Variants in FANCC observed in about 807,000 individuals in gnomAD.
FANCC encodes Fanconi anemia group C protein.
FANCC carries 55 observed loss-of-function variants against 71.3 expected under a neutral mutation model. The observed-to-expected ratio is 0.77, with a 90% CI of 0.62 to 0.97. The LOEUF (loss-of-function observed/expected upper bound fraction) is 0.97, where lower values mean the gene tolerates loss of function less well. Ranked by LOEUF, FANCC falls within the 50% of genes least tolerant of loss-of-function variation. The pLI is 0.00. For missense variants in FANCC, 678 were observed against 670.9 expected (o/e 1.01, Z -0.12); for synonymous variants, 275 against 244.9 (o/e 1.12, Z -1.15).
chr9:95,305,660 G>C (rs1835033742), intron 1 of FANCC, among the ~76,000 whole-genome samples: 1 of 152,076 alleles, frequency 6.6e-6, no homozygotes, highest in Admixed American at 6.6e-5. Flanking sequence ...TAAGTTAAAT[G>C]ACCATCAAGA....
At chr9:95,272,844 G>A (rs572432409) in intron 1 of FANCC, among the ~76,000 whole-genome samples, 1 of 152,312 alleles carries the variant, frequency 6.6e-6, no homozygotes, top group South Asian at 2.1e-4. Flanking sequence ...TGCCTGTGAA[G>A]TAGCTTGATT....
intron 1 of FANCC, among the ~76,000 whole-genome samples, chr9:95,262,495 G>C (rs975041569): frequency 2.0e-5 from 3 of 152,182 alleles, no homozygotes; most frequent in Non-Finnish European, 4.4e-5. Context: ...AGGACACAGA[G>C]AAACCAGAAC....
intron 6 of FANCC, among the ~76,000 whole-genome samples, chr9:95,164,243 T>A (rs979943246): frequency 6.6e-6 from 1 of 152,184 alleles, no homozygotes; most frequent in African/African-American, 2.4e-5. Context: ...CCTTTCCAAT[T>A]TGGATGGAAA....
chr9:95,224,701 A>G lies in FANCC; in HGVS notation c.345+15948T>C, dbSNP rs182785274. ...AGGTGCCTTATTTAAGTGGAATCATATAGTATTTGTTATTTTTTTTTAATA... is the reference window on the plus strand; with the variant it reads ...AGGTGCCTTATTTAAGTGGAATCATGTAGTATTTGTTATTTTTTTTTAATA... On this transcript the variant is annotated intron_variant, in intron 4 of 14. Transcript: ENST00000289081. Among the ~76,000 whole-genome samples the G allele has an allele frequency of 1.5e-3, 233 of 152,222 alleles. 1 individual carries two copies. Among genetic ancestry groups the G allele is most frequent in the South Asian group, 3.9e-3 (19 of 4,828 alleles).
chr9:95,220,331 C>T (rs1388047611), intron 4 of FANCC, among the ~76,000 whole-genome samples: 1 of 152,202 alleles, frequency 6.6e-6, no homozygotes, highest in Non-Finnish European at 1.5e-5. Context: ...GGATCTAGAA[C>T]TAGAAATACC....
intron 7 of FANCC, among the ~76,000 whole-genome samples, chr9:95,139,787 T>C (rs1234371806): frequency 6.7e-6 from 1 of 149,856 alleles, no homozygotes; most frequent in Non-Finnish European, 1.5e-5. Flanking sequence ...TTTCTGTATA[T>C]GCCTTGTGCT....
Position 95,240,190 on chromosome 9 carries a change from C to T in FANCC, c.345+459G>A, listed in dbSNP as rs1424118115. Among the ~76,000 whole-genome samples, 3 of 152,214 alleles carry T rather than the reference C, an allele frequency of 2.0e-5. No individual in the cohort carries two copies. In the South Asian group the frequency reaches 6.2e-4, roughly 32 times the overall value. ...AAGATCCAGTCTGTGCATATGCTGG[C>T]TCAGGCACCAACTTCGGGACACAAA... On this transcript the variant is annotated intron_variant, in intron 4 of 14. Transcript: ENST00000289081.
intron 4 of FANCC, among the ~76,000 whole-genome samples, chr9:95,189,288 T>A (rs1271850499): frequency 6.6e-6 from 1 of 152,166 alleles, no homozygotes. Context: ...TTTAGAGCCC[T>A]TTTTACTATG....
intron 4 of FANCC, among the ~76,000 whole-genome samples, chr9:95,225,416 C>T (rs945732704): frequency 2.0e-5 from 3 of 152,164 alleles, no homozygotes; most frequent in African/African-American, 7.2e-5. Context: ...CCTAAAAATT[C>T]GCTTCCCTTC....
intron 1 of FANCC, chr9:95,294,875 G>C: frequency 1.4e-6 from 2 of 1,390,644 alleles, no homozygotes; most frequent in East Asian, 2.3e-5. Flanking sequence ...AACTACGGAC[G>C]GGGGACAACA....
intron 4 of FANCC, among the ~76,000 whole-genome samples, chr9:95,183,276 C>T (rs1826490196): frequency 6.6e-6 from 1 of 152,250 alleles, no homozygotes. Context: ...TCTCCCTGCA[C>T]CTTCCAAGGT....
At chr9:95,135,260 TC>T (rs971561921) in intron 8 of FANCC, 85 bp downstream of exon 8, 39 of 1,311,048 alleles carry the variant, frequency 3.0e-5, no homozygotes, top group African/African-American at 1.7e-4. Flanking sequence ...TTTGTTTACA[TC>T]CCCCCCTTTC....
chr9:95,266,860 T>G (rs769251623), intron 1 of FANCC, among the ~76,000 whole-genome samples: 2 of 152,164 alleles, frequency 1.3e-5, no homozygotes, highest in African/African-American at 4.8e-5. Flanking sequence ...AAACCAAGTA[T>G]CTTTCTTTCC....
chr9:95,211,069 G>T (rs542627256), intron 4 of FANCC, among the ~76,000 whole-genome samples: 1 of 152,290 alleles, frequency 6.6e-6, no homozygotes, highest in East Asian at 1.9e-4. Context: ...GCTATTATAT[G>T]TATCCTCCTG....
At chr9:95,151,927 CAAAAAAA>C (rs548345082) in intron 6 of FANCC, among the ~76,000 whole-genome samples, 1 of 98,494 alleles carries the variant, frequency 1.0e-5, no homozygotes, top group African/African-American at 3.6e-5. Flanking sequence ...AGACCTGTCT[CAAAAAAA>C]AAAAAACAAA....
chr9:95,253,679 G>A (rs1160787246), intron 1 of FANCC, among the ~76,000 whole-genome samples: 1 of 152,038 alleles, frequency 6.6e-6, no homozygotes, highest in Admixed American at 6.6e-5. Context: ...TATTCCCATA[G>A]GTTTTGGGGG....
intron 4 of FANCC, among the ~76,000 whole-genome samples, chr9:95,238,209 C>A (rs1830431156): frequency 6.6e-6 from 1 of 152,110 alleles, no homozygotes; most frequent in African/African-American, 2.4e-5. Flanking sequence ...TGGGAGCGGA[C>A]CTTACCTCAC....
chr9:95,172,861 T>C (rs1017035679), intron 4 of FANCC, among the ~76,000 whole-genome samples: 5 of 151,992 alleles, frequency 3.3e-5, no homozygotes, highest in African/African-American at 1.2e-4. Flanking sequence ...ATCCTGGGAG[T>C]AAATCATCAG....
intron 1 of FANCC, among the ~76,000 whole-genome samples, chr9:95,269,001 T>A (rs1051991640): frequency 6.6e-6 from 1 of 152,128 alleles, no homozygotes; most frequent in Non-Finnish European, 1.5e-5. Context: ...GAAAAATGGC[T>A]CAGTAAAATA....
Sources: allele counts gnomAD v4.1 joint callset (sites outside exome capture counted in the v4.1 genomes callset), GRCh38; gene constraint gnomAD v4.1.1; transcripts MANE v1.5; gene names NCBI Gene and HGNC (gene_info 2026-07-23, HGNC 2026-07-21).